The following NAV3 variants were observed in gnomAD, a reference collection of about 807,000 sequenced individuals.
NAV3 encodes the protein neuron navigator 3.
NAV3 carries 87 observed loss-of-function variants against 244.7 expected under a neutral mutation model. The observed-to-expected ratio is 0.36, with a 90% CI of 0.30 to 0.42. NAV3 has a LOEUF of 0.42. Ranked by LOEUF, NAV3 falls within the 20% of genes least tolerant of loss-of-function variation. The probability of loss-of-function intolerance (pLI) is 1.00; values close to 1 mark genes in which losing one functional copy is unlikely to be tolerated. For missense variants in NAV3, 2,663 were observed against 2,893.3 expected, an observed-to-expected ratio of 0.92 and a Z score of 1.83; for synonymous variants, 1,126 against 1,042.2, an observed-to-expected ratio of 1.08 and a Z score of -1.55.
intron 2 of NAV3, among the ~76,000 whole-genome samples, chr12:77,740,527 A>G (rs1339937787): frequency 6.6e-6 from 1 of 152,142 alleles, no homozygotes; most frequent in Non-Finnish European, 1.5e-5. Flanking sequence ...TTGAGACAGT[A>G]TTGTAAACAT....
chr12:78,049,948 A>G (rs1315044628), intron 9 of NAV3, 45 bp from the exon 10 acceptor site: 4 of 1,332,278 alleles, frequency 3.0e-6, no homozygotes, highest in Non-Finnish European at 4.2e-6. Flanking sequence ...TATTTTGAGG[A>G]TACTAAATGT....
intron 17 of NAV3, 44 bp downstream of exon 17, chr12:78,127,252 G>A (rs1955950687): frequency 6.4e-7 from 1 of 1,573,990 alleles, no homozygotes; most frequent in African/African-American, 1.4e-5. Flanking sequence ...CTGTTGTTAT[G>A]TAAACTTTGT....
intron 19 of NAV3, among the ~76,000 whole-genome samples, chr12:78,140,048 G>C (rs550221784): frequency 1.2e-4 from 19 of 152,258 alleles, no homozygotes; most frequent in Admixed American, 1.0e-3. Flanking sequence ...CATGCTTGTA[G>C]GCTTCTGTCT....
chr12:77,746,517 A>G (rs893341114), intron 2 of NAV3, among the ~76,000 whole-genome samples: 7 of 152,168 alleles, frequency 4.6e-5, no homozygotes, highest in African/African-American at 1.4e-4. Context: ...ACTATATTAC[A>G]TAACTAATAC....
chr12:77,867,145 G>T (rs56052227), intron 1 of NAV3, among the ~76,000 whole-genome samples: 34,078 of 152,154 alleles, frequency 0.22, 4,043 homozygotes, highest in Non-Finnish European at 0.27. Flanking sequence ...CATGTGTTAT[G>T]GGAGGGACCC....
chr12:78,168,505 G>T (rs777157409), intron 23 of NAV3, among the ~76,000 whole-genome samples: 3 of 151,562 alleles, frequency 2.0e-5, no homozygotes, highest in Non-Finnish European at 4.4e-5. Flanking sequence ...CCTTTGAAAG[G>T]AATAAAGACT....
intron 1 of NAV3, among the ~76,000 whole-genome samples, chr12:77,879,177 C>A (rs114446368): frequency 6.6e-6 from 1 of 152,112 alleles, no homozygotes; most frequent in Non-Finnish European, 1.5e-5. Context: ...GATAGCTACC[C>A]TGCAAATTTC....
chr12:78,165,340 A>T (rs909144432), intron 23 of NAV3, among the ~76,000 whole-genome samples: 8 of 152,020 alleles, frequency 5.3e-5, no homozygotes, highest in African/African-American at 1.9e-4. Flanking sequence ...TTAGTATTTA[A>T]TGAGAATAAG....
intron 2 of NAV3, among the ~76,000 whole-genome samples, chr12:77,787,403 A>C (rs1870954557): frequency 6.6e-6 from 1 of 152,222 alleles, no homozygotes; most frequent in Non-Finnish European, 1.5e-5. Flanking sequence ...TAATTTATAA[A>C]GGAAAGAGGT....
chr12:78,190,541 A>C (rs1419138596), intron 34 of NAV3, among the ~76,000 whole-genome samples: 1 of 152,110 alleles, frequency 6.6e-6, no homozygotes, highest in Non-Finnish European at 1.5e-5. Flanking sequence ...GTGCACAAGC[A>C]ACAAGGAAGA....
intron 2 of NAV3, among the ~76,000 whole-genome samples, chr12:77,702,824 A>G (rs1203738092): frequency 1.6e-5 from 1 of 62,416 alleles, no homozygotes. Flanking sequence ...GAAGAAAAAT[A>G]GATAGTATTT....
At chr12:78,205,281 C>T (rs1960175246) in intron 39 of NAV3, 143 bp downstream of exon 39, 3 of 859,068 alleles carry the variant, frequency 3.5e-6, no homozygotes, top group South Asian at 4.1e-5. Flanking sequence ...GGCCTGCTTT[C>T]CATGGATGAA....
At chr12:77,623,615 A>G (rs948847763) in intron 2 of NAV3, among the ~76,000 whole-genome samples, 13 of 152,212 alleles carry the variant, frequency 8.5e-5, no homozygotes, top group Non-Finnish European at 5.9e-5. Flanking sequence ...ACCGCTGCTC[A>G]GCATTATTTG....
intron 19 of NAV3, 83 bp downstream of exon 19, chr12:78,137,448 A>C: frequency 7.4e-7 from 1 of 1,351,038 alleles, no homozygotes; most frequent in East Asian, 2.5e-5. Flanking sequence ...CATCACAAAG[A>C]TTCCTGAAGA....
chr12:78,180,692 G>A (rs1958460371), intron 29 of NAV3, among the ~76,000 whole-genome samples, 179 bp from the exon 30 acceptor site: 1 of 151,952 alleles, frequency 6.6e-6, no homozygotes, highest in Admixed American at 6.6e-5. Flanking sequence ...GTGTGAGAGA[G>A]AAAAAGGTTA....
intron 2 of NAV3, among the ~76,000 whole-genome samples, chr12:77,723,755 C>CTTTTTTTTTTTT (rs34518266): frequency 4.4e-5 from 3 of 67,650 alleles, no homozygotes; most frequent in African/African-American, 5.9e-5. Flanking sequence ...GCAATCTTGA[C>CTTTTTTTTTTTT]TTTTTTTTTT....
rs1869057566 is a variant in NAV3, at chr12:77,754,972, A to T, written c.72+182706A>T. 2.6e-5 allele frequency among the ~76,000 whole-genome samples: 4 copies of T among 152,216 alleles called. No individual in the cohort carries two copies. In the South Asian group the frequency reaches 8.3e-4, roughly 32 times the overall value. On this transcript the variant is annotated intron_variant, in intron 2 of 8. Coordinates refer to the NAV3 transcript ENST00000550042. ...AGAATAGAAAATCTTTTATCAAAAT[A>T]TTTAAATATGATATTCTGAATAATT...
chr12:78,093,383 C>G (rs1302771678), intron 12 of NAV3, among the ~76,000 whole-genome samples: 1 of 152,042 alleles, frequency 6.6e-6, no homozygotes, highest in East Asian at 1.9e-4. Flanking sequence ...AGTACAGAGC[C>G]AGAAATATAG....
intron 12 of NAV3, among the ~76,000 whole-genome samples, chr12:78,105,874 G>T (rs552892508): frequency 6.6e-6 from 1 of 151,622 alleles, no homozygotes; most frequent in South Asian, 2.1e-4. Flanking sequence ...TTTGGCATAT[G>T]ATATAAATCC....
Sources: allele counts gnomAD v4.1 joint callset (sites outside exome capture counted in the v4.1 genomes callset), GRCh38; gene constraint gnomAD v4.1.1; transcripts MANE v1.5; gene names NCBI Gene and HGNC (gene_info 2026-07-23, HGNC 2026-07-21).